The following AFAP1L2 variants were observed in gnomAD, a reference collection of about 807,000 sequenced individuals.
AFAP1L2 encodes the protein actin filament-associated protein 1-like 2.
In AFAP1L2, 46 loss-of-function variants were observed where a neutral mutation model predicts 99.3. That is an observed-to-expected ratio of 0.46 (90% CI 0.37 to 0.59). The LOEUF (loss-of-function observed/expected upper bound fraction) is 0.59. Ranked by LOEUF, AFAP1L2 falls within the 20% of genes least tolerant of loss-of-function variation. AFAP1L2 has a pLI of 0.00. For synonymous variants in AFAP1L2, 397 were observed against 419.1 expected, an observed-to-expected ratio of 0.95 and a Z score of 0.64; for missense variants, 959 against 1,034.9, an observed-to-expected ratio of 0.93 and a Z score of 1.01.
In AFAP1L2 at chr10:114,297,076, C is replaced by T; in HGVS notation, c.2332G>A (p.Ala778Thr). The change falls in exon 18 of 19, where the codon GCC (alanine) becomes ACC (threonine). Residue 778 changes from alanine to threonine, a missense_variant. By Grantham distance (58) the Ala-to-Thr change is moderately conservative (BLOSUM62 0). Around this residue, in one of 2 missense-constraint regions of AFAP1L2, gnomAD observed 576 missense variants for 562.1 expected, o/e 1.02. Coordinates refer to ENST00000304129, the MANE Select transcript of AFAP1L2 (RefSeq NM_001001936.3). ...PRPKAVTPAS[A>T]PDCTPVNSAT... Reference sequence around the variant, plus strand: ...GAGTTGACTGGGGTACAGTCTGGGGCAGAGGCAGGTGTGACAGCTTTGGGC... The same window carrying T: ...GAGTTGACTGGGGTACAGTCTGGGGTAGAGGCAGGTGTGACAGCTTTGGGC... The T allele has an allele frequency of 1.2e-6, 2 of 1,614,112 alleles. No homozygotes were observed. The highest frequency in any genetic ancestry group is 2.2e-5 in the East Asian group (1 of 44,874).
intron 11 of AFAP1L2, among the ~76,000 whole-genome samples, chr10:114,302,956 AATTT>A: frequency 6.6e-6 from 1 of 152,204 alleles, no homozygotes. Context: ...ACAACATTCA[AATTT>A]ATTTTGTTCA....
At chr10:114,360,997 G>A (rs1408207978) in intron 1 of AFAP1L2, among the ~76,000 whole-genome samples, 4 of 152,166 alleles carry the variant, frequency 2.6e-5, no homozygotes, top group Admixed American at 1.3e-4. Context: ...TGGAGAACTC[G>A]CAGTTCCACA....
In AFAP1L2 at chr10:114,305,166, CTGG is replaced by C. The variant is rs1564806501; in HGVS notation, c.1073-239_1073-237del. The C allele has an allele frequency of 1.9e-3, 490 of 252,896 alleles. 3 individuals are homozygous for C. Among genetic ancestry groups the C allele is most frequent in the African/African-American group, 0.018 (454 of 24,644 alleles). 15.7% of individuals were successfully genotyped at this position (252,896 alleles called of 1,614,324 possible). A position where few individuals can be genotyped will look rare whatever the true frequency, so the allele number is the denominator to read the frequency against. ...GAGGGGACTGGGCTGCAGGAGGGGA[CTGG>C]GCTGCAGGAGGGGACGCAGATGAAG... On this transcript the variant is annotated intron_variant, in intron 10 of 18. Transcript: ENST00000304129.
At chr10:114,300,799 A>C (rs1255339914) in intron 13 of AFAP1L2, 109 bp from the exon 14 acceptor site, 2 of 1,430,442 alleles carry the variant, frequency 1.4e-6, no homozygotes, top group African/African-American at 1.4e-5. Context: ...ACAGTGTTCC[A>C]AGAGATCTCC....
At chr10:114,354,078 C>T (rs1276498258) in intron 1 of AFAP1L2, among the ~76,000 whole-genome samples, 2 of 152,138 alleles carry the variant, frequency 1.3e-5, no homozygotes, top group East Asian at 1.9e-4. Context: ...AATGCCATCC[C>T]GGAACCTTCG....
At chr10:114,368,565 C>T (rs1590632346) in intron 1 of AFAP1L2, among the ~76,000 whole-genome samples, 1 of 152,106 alleles carries the variant, frequency 6.6e-6, no homozygotes, top group East Asian at 1.9e-4. Flanking sequence ...ACTACAGGTG[C>T]CACCAAACCT....
At chr10:114,327,646 C>T (rs2046581880) in intron 4 of AFAP1L2, among the ~76,000 whole-genome samples, 1 of 152,186 alleles carries the variant, frequency 6.6e-6, no homozygotes, top group Non-Finnish European at 1.5e-5. Flanking sequence ...CTTATCTCAG[C>T]TATTCAACTC....
intron 2 of AFAP1L2, 30 bp from the exon 3 acceptor site, chr10:114,333,325 G>T (rs1368241984): frequency 6.3e-7 from 1 of 1,581,572 alleles, no homozygotes; most frequent in Non-Finnish European, 8.7e-7. Context: ...CAGGCTTTGT[G>T]TGACTTCCTG....
intron 1 of AFAP1L2, among the ~76,000 whole-genome samples, chr10:114,345,991 T>C (rs745907631): frequency 6.6e-6 from 1 of 152,078 alleles, no homozygotes; most frequent in Non-Finnish European, 1.5e-5. Context: ...CAGGCAGCCA[T>C]GGCACCTGCC....
In AFAP1L2 at chr10:114,341,218, T is replaced by C. The variant is rs142160107; in HGVS notation, c.17-487A>G. ...TAAGTCTATTAGGTCAAATGCTTTG[T>C]AAAGTTCCTTCCAGTTCTGAAGCTC... On this transcript the variant is annotated intron_variant, in intron 1 of 18. Coordinates refer to ENST00000304129, the MANE Select transcript of AFAP1L2 (RefSeq NM_001001936.3). Among the ~76,000 whole-genome samples, 1,183 of 152,334 alleles carry C rather than the reference T, an allele frequency of 7.8e-3. 18 individuals are homozygous for C. Among genetic ancestry groups the C allele is most frequent in the African/African-American group, 0.027 (1,116 of 41,560 alleles).
At chr10:114,302,292 T>C (rs1288922582) in intron 12 of AFAP1L2, 47 bp downstream of exon 12, 1 of 1,612,656 alleles carries the variant, frequency 6.2e-7, no homozygotes. Flanking sequence ...GCCTACAGCA[T>C]GGCCAGGAAT....
intron 11 of AFAP1L2, among the ~76,000 whole-genome samples, chr10:114,303,559 A>G (rs1474041895): frequency 6.6e-6 from 1 of 152,214 alleles, no homozygotes; most frequent in Non-Finnish European, 1.5e-5. Flanking sequence ...CACCTGCCTC[A>G]GCCTCCCAAA....
intron 16 of AFAP1L2, among the ~76,000 whole-genome samples, chr10:114,298,283 C>T (rs1339769559): frequency 6.6e-6 from 1 of 152,108 alleles, no homozygotes; most frequent in Non-Finnish European, 1.5e-5. Context: ...GAGGCTGAGA[C>T]AGGAGAATCG....
the AFAP1L2 span, chr10:114,289,406 G>A: frequency 6.2e-7 from 1 of 1,614,094 alleles, no homozygotes. Flanking sequence ...AGGCTTGCAG[G>A]TCCCCGGGAT....
intron 12 of AFAP1L2, 191 bp downstream of exon 12, chr10:114,302,148 T>TGCTCTTA: frequency 2.4e-6 from 2 of 843,300 alleles, no homozygotes; most frequent in Non-Finnish European, 3.7e-6. Flanking sequence ...CTCGGCTCCT[T>TGCTCTTA]GCTCTTAGCT....
At chr10:114,372,426 C>T (rs1044853703) in intron 1 of AFAP1L2, among the ~76,000 whole-genome samples, 4 of 152,148 alleles carry the variant, frequency 2.6e-5, no homozygotes, top group African/African-American at 9.7e-5. Context: ...GCAGGGTTTG[C>T]CACCCGTGAA....
At chr10:114,404,776 C>CG (rs1217689630), upstream of AFAP1L2, 1 of 290,536 alleles carries the variant, frequency 3.4e-6, no homozygotes, top group Non-Finnish European at 6.3e-6. Context: ...GTCTTGACTC[C>CG]GGGGGCGTCG....
At chr10:114,312,351 CGT>C (rs2043386285) in intron 7 of AFAP1L2, among the ~76,000 whole-genome samples, 2 of 151,360 alleles carry the variant, frequency 1.3e-5, no homozygotes, top group Admixed American at 6.6e-5. Context: ...TGCATTTGTC[CGT>C]GTGTGTACAA....
chr10:114,317,262 T>G (rs762992549), intron 5 of AFAP1L2, among the ~76,000 whole-genome samples: 5 of 138,032 alleles, frequency 3.6e-5, no homozygotes, highest in Non-Finnish European at 8.1e-5. Flanking sequence ...AAATGTGTTT[T>G]AATATTTCTA....
Sources: allele counts gnomAD v4.1 joint callset (sites outside exome capture counted in the v4.1 genomes callset), GRCh38; gene constraint gnomAD v4.1.1; regional missense constraint gnomAD v4.1.1; transcripts MANE v1.5; gene names NCBI Gene and HGNC (gene_info 2026-07-23, HGNC 2026-07-21).